The following MBD1 variants were observed in gnomAD, a reference collection of about 807,000 sequenced individuals.
MBD1 encodes the protein methyl-CpG binding domain protein 1.
In MBD1, 25 loss-of-function variants were observed where a neutral mutation model predicts 82.6. The ratio of observed to expected loss-of-function variants is 0.30; its 90% CI spans 0.22 to 0.42. MBD1 has a LOEUF of 0.42. Ranked by LOEUF, MBD1 falls within the 10% of genes least tolerant of loss-of-function variation. The probability of loss-of-function intolerance (pLI) is 1.00; values close to 1 mark genes in which losing one functional copy is unlikely to be tolerated. For missense variants in MBD1, 627 were observed against 819.6 expected (o/e 0.76, Z 2.87); for synonymous variants, 301 against 303.7 (o/e 0.99, Z 0.09).
chr18:50,276,116 G>T, intron 6 of MBD1, 135 bp from the exon 7 acceptor site: 1 of 1,179,888 alleles, frequency 8.5e-7, no homozygotes, highest in Non-Finnish European at 1.2e-6. Flanking sequence ...ATCTGAGAAG[G>T]TCTGGTTAGT....
chr18:50,273,058 C>T, intron 13 of MBD1, 103 bp from the exon 14 acceptor site: 2 of 1,419,542 alleles, frequency 1.4e-6, no homozygotes, highest in Non-Finnish European at 2.0e-6. Flanking sequence ...CTACTTCCAT[C>T]ACATTTCAAC....
chr18:50,273,033 CTG>C, intron 13 of MBD1, 78 bp from the exon 14 acceptor site: 2 of 1,556,134 alleles, frequency 1.3e-6, no homozygotes, highest in Admixed American at 3.4e-5. Context: ...CAACCCCTCA[CTG>C]TGCTGACAAA....
intron 1 of MBD1, chr18:50,281,075 C>T: frequency 7.5e-7 from 1 of 1,340,878 alleles, no homozygotes. Flanking sequence ...CCATTTCTCT[C>T]TCAACTTCAG....
At chr18:50,276,523 C>A (rs1387714819) in intron 5 of MBD1, 105 bp from the exon 6 acceptor site, 4 of 1,425,980 alleles carry the variant, frequency 2.8e-6, no homozygotes, top group African/African-American at 1.4e-5. Context: ...TCTACCTATG[C>A]CTGCTATCTC....
intron 2 of MBD1, among the ~76,000 whole-genome samples, chr18:50,278,159 G>T (rs1433118300): frequency 6.6e-6 from 1 of 152,214 alleles, no homozygotes; most frequent in Non-Finnish European, 1.5e-5. Flanking sequence ...ACAAAGAGAT[G>T]ATTCACCTCT....
In MBD1 at chr18:50,273,324, C is replaced by T. The variant is rs751198994; in HGVS notation, c.1584+10G>A. On this transcript the variant is annotated intron_variant, in intron 13 of 16. Coordinates refer to ENST00000269468, the MANE Select transcript of MBD1 (RefSeq NM_015846.4). Reference sequence around the variant, plus strand: ...TACGGCACCAACAGAACATCCATCACTGCCCCCACCTTGCTAGGGCAGCCA... The same window carrying T: ...TACGGCACCAACAGAACATCCATCATTGCCCCCACCTTGCTAGGGCAGCCA... The T allele has an allele frequency of 1.9e-6, 3 of 1,613,992 alleles. No individual in the cohort carries two copies. The highest frequency in any genetic ancestry group is 2.5e-6 in the Non-Finnish European group (3 of 1,179,990).
At position 50,276,686 on chromosome 18, in the gene MBD1, T is replaced by C; in HGVS notation, c.451A>G (p.Lys151Glu). ...CCTCGACAGTCTTTGCACAACGTTT[T>C]GAGCCGCTGCCTTTGGGTGCCATCC... Reference protein sequence around the residue: ...SGDGTQRQRLKTLCKDCRAQR... With the variant: ...SGDGTQRQRLETLCKDCRAQR... The change falls in exon 5 of 17, where the codon AAA becomes GAA. Residue 151 changes from lysine (K) to glutamate (E), a missense_variant. This residue lies in a region of MBD1 where 228 missense variants were observed against 318.1 expected (regional missense o/e 0.72). Coordinates refer to ENST00000269468, the MANE Select transcript of MBD1 (RefSeq NM_015846.4). 6.2e-7 allele frequency: 1 copy of C among 1,614,220 alleles called. No individual in the cohort carries two copies. Among genetic ancestry groups the C allele is most frequent in the Non-Finnish European group, 8.5e-7 (1 of 1,180,040 alleles).
chr18:50,272,853 C>T lies in MBD1; in HGVS notation c.1687G>A (p.Glu563Lys). 6.2e-7 allele frequency: 1 copy of T among 1,614,210 alleles called. No homozygotes were observed. Among genetic ancestry groups the T allele is most frequent in the Non-Finnish European group, 8.5e-7 (1 of 1,180,044 alleles). ...GGTGTGCCAGCCCCTCCTGCCTCTT[C>T]CTCTGGGGCCAATTTGGAGGCAGAA... ...DDSASKLAPE[E>K]EAGGAGTPVI... The change falls in exon 14 of 17, where the codon GAA (glutamate) becomes AAA (lysine). Residue 563 changes from glutamate (E) to lysine (K), a missense_variant. Transcript: ENST00000269468.
intron 1 of MBD1, 161 bp downstream of exon 1, chr18:50,281,202 C>T (rs1467324539): frequency 6.5e-7 from 1 of 1,534,560 alleles, no homozygotes; most frequent in Admixed American, 2.0e-5. Flanking sequence ...CCGTCCTCAG[C>T]CTAAATCCCC....
At chr18:50,270,092 G>A (rs749550115) in intron 16 of MBD1, 12 of 1,598,080 alleles carry the variant, frequency 7.5e-6, no homozygotes, top group Non-Finnish European at 6.8e-6. Context: ...GTTCCTGGGG[G>A]AAACAAAGCA....
intron 6 of MBD1, 105 bp downstream of exon 6, chr18:50,276,273 T>C: frequency 1.7e-6 from 2 of 1,207,570 alleles, no homozygotes; most frequent in Non-Finnish European, 2.4e-6. Flanking sequence ...CCCTATAAAA[T>C]GACTCTTCAT....
chr18:50,269,798 C>T lies in MBD1; in HGVS notation c.*53G>A. Reference sequence around the variant, plus strand: ...CCACACTTTACATCCATCTTCCCTTCCCGAGTGCCTGCCCTGCAGACTTCA... The same window carrying T: ...CCACACTTTACATCCATCTTCCCTTTCCGAGTGCCTGCCCTGCAGACTTCA... On this transcript the variant is annotated 3_prime_UTR_variant, in exon 17 of 17. Coordinates refer to ENST00000269468, the MANE Select transcript of MBD1 (RefSeq NM_015846.4). The T allele has an allele frequency of 2.5e-6, 2 of 787,582 alleles. No homozygotes were observed. Among genetic ancestry groups the T allele is most frequent in the South Asian group, 1.3e-5 (1 of 74,750 alleles). The allele number at this position is 787,582 out of a possible 1,614,324, so 48.8% of individuals were successfully genotyped here.
chr18:50,267,791 G>A, downstream of MBD1: 1 of 663,880 alleles, frequency 1.5e-6, no homozygotes, highest in Non-Finnish European at 2.8e-6. Context: ...TACAACTAAT[G>A]TGTATGCCCT....
chr18:50,277,955 A>C (rs1369794989), intron 2 of MBD1, among the ~76,000 whole-genome samples: 1 of 152,252 alleles, frequency 6.6e-6, no homozygotes, highest in Non-Finnish European at 1.5e-5. Context: ...AACTGGCACA[A>C]AAATAGTAAT....
At chr18:50,278,796 T>A (rs2148676597) in intron 2 of MBD1, among the ~76,000 whole-genome samples, 1 of 152,334 alleles carries the variant, frequency 6.6e-6, no homozygotes, top group Admixed American at 6.5e-5. Context: ...CCTGAGAGCA[T>A]CTGAACTTTT....
intron 6 of MBD1, 65 bp from the exon 7 acceptor site, chr18:50,276,046 C>T: frequency 6.4e-7 from 1 of 1,569,342 alleles, no homozygotes; most frequent in South Asian, 1.1e-5. Context: ...CCCATGTCTA[C>T]TGACCCTACA....
intron 16 of MBD1, chr18:50,270,786 T>C (rs1358489757): frequency 2.0e-4 from 36 of 176,814 alleles, no homozygotes; most frequent in Admixed American, 1.3e-3. Context: ...ATAGTAATTA[T>C]AGTAATCTGT....
chr18:50,274,694 C>T (rs570635549), intron 10 of MBD1, among the ~76,000 whole-genome samples: 1 of 152,338 alleles, frequency 6.6e-6, no homozygotes, highest in African/African-American at 2.4e-5. Context: ...GCTCCCATCA[C>T]TGTGCCTACT....
chr18:50,280,133 C>T, intron 1 of MBD1, 116 bp from the exon 2 acceptor site: 3 of 896,246 alleles, frequency 3.3e-6, no homozygotes, highest in South Asian at 3.3e-5. Flanking sequence ...CTAGGACCTG[C>T]CACAGGCAAC....
Sources: gnomAD v4.1 joint callset for allele counts (sites outside exome capture counted in the v4.1 genomes callset) on GRCh38, gnomAD v4.1.1 for gene constraint, gnomAD v4.1.1 regional missense constraint, MANE v1.5 for transcripts, NCBI Gene and HGNC (gene_info 2026-07-23, HGNC 2026-07-21) for gene names.